The following DNAJB5 variants were observed in gnomAD, a reference collection of about 807,000 sequenced individuals.
DNAJB5 encodes the protein DnaJ heat shock protein family (Hsp40) member B5.
A neutral mutation model predicts 32.6 loss-of-function variants in DNAJB5; 12 were observed. The ratio of observed to expected loss-of-function variants is 0.37; its 90% CI spans 0.24 to 0.60. DNAJB5 has a LOEUF of 0.60. Ranked by LOEUF, DNAJB5 falls within the 20% of genes least tolerant of loss-of-function variation. The pLI is 0.71. For missense variants in DNAJB5, 358 were observed against 554.2 expected (o/e 0.65, Z 3.55); for synonymous variants, 188 against 212.9 (o/e 0.88, Z 1.02).
chr9:34,995,696 G>T (rs28374769), intron 3 of DNAJB5, among the ~76,000 whole-genome samples: 2 of 152,140 alleles, frequency 1.3e-5, no homozygotes, highest in South Asian at 2.1e-4. Flanking sequence ...ACTTTTTAAG[G>T]CTTCCTGATT....
chr9:34,994,752 T>C (rs1301317468), intron 3 of DNAJB5, among the ~76,000 whole-genome samples: 7 of 152,074 alleles, frequency 4.6e-5, no homozygotes, highest in Non-Finnish European at 1.0e-4. Context: ...CAGAACCCCA[T>C]CCCAGGAAGG....
chr9:34,993,278 C>T lies in DNAJB5; in HGVS notation c.261C>T (p.Ala87=), dbSNP rs1304564674. ...AGATTCTTGGGATCCCATCGGGGGC[C>T]AACGAGGATGAGATCAAGAAAGCCT... ...YYKILGIPSG[A]NEDEIKKAYR... Residue 87 remains alanine, a synonymous_variant, in exon 3 of 5, where the codon GCC becomes GCT. Coordinates refer to ENST00000682809, the MANE Select transcript of DNAJB5 (RefSeq NM_001349723.3). The surrounding 1 kb of genome is among the most constrained non-coding windows in gnomAD (Gnocchi z 4.7). 1.2e-6 allele frequency: 2 copies of T among 1,614,058 alleles called. No homozygotes were observed. Among genetic ancestry groups the T allele is most frequent in the South Asian group, 2.2e-5 (2 of 91,070 alleles).
In DNAJB5 at chr9:34,990,661, C is replaced by T; in HGVS notation, c.31C>T (p.Pro11Ser). 1.3e-6 allele frequency: 2 copies of T among 1,551,644 alleles called. No homozygotes were observed. The highest frequency in any genetic ancestry group is 1.7e-6 in the Non-Finnish European group (2 of 1,146,970). Reference sequence around the variant, plus strand: ...TAAGCGCACAGTGCTCTCCTGCCCACCCCCAGCAGCACCCCCACTGCAGGC... The same window carrying T: ...TAAGCGCACAGTGCTCTCCTGCCCATCCCCAGCAGCACCCCCACTGCAGGC... MFKRTVLSCPPPAAPPLQARG... is the reference protein window; with the variant it reads MFKRTVLSCPSPAAPPLQARG... The change falls in exon 2 of 5, where the codon CCC (proline) becomes TCC (serine). Residue 11 changes from proline to serine, a missense_variant. Around this residue, in one of 2 missense-constraint regions of DNAJB5, gnomAD observed 110 missense variants for 111.7 expected, o/e 0.99. Transcript: ENST00000682809. The surrounding 1 kb of genome is among the most constrained non-coding windows in gnomAD (Gnocchi z 4.5).
At position 34,991,671 on chromosome 9, in the gene DNAJB5, C is replaced by CG. The variant is rs986056408; in HGVS notation, c.182+859_182+860insG. 13 of 227,556 alleles carry CG rather than the reference C, an allele frequency of 5.7e-5. 1 individual carries two copies. The East Asian group carries it at 6.6e-4, about 11-fold the overall frequency. 14.1% of individuals were successfully genotyped at this position (227,556 alleles called of 1,614,324 possible). On this transcript the variant is annotated intron_variant, in intron 2 of 4. Coordinates refer to ENST00000682809, the MANE Select transcript of DNAJB5 (RefSeq NM_001349723.3). ...GCTGCCATTTCCGAAAACGGTTGCC[C>CG]CCCCCCCCAACGAGGTGCTCTTTCT...
At chr9:34,991,679 C>CA in intron 2 of DNAJB5, 1 of 264,242 alleles carries the variant, frequency 3.8e-6, no homozygotes, top group Non-Finnish European at 7.7e-6. Flanking sequence ...CCCCCCCCCC[C>CA]AACGAGGTGC....
Position 34,996,833 on chromosome 9 carries a change from C to T in DNAJB5, c.996C>T (p.Asn332=), listed in dbSNP as rs374739522. ...CACACTTCCGCCGAGATGGCACCAA[C>T]GTGCTCTACAGTGCCCTGATCAGCC... is the stretch of plus-strand genomic sequence containing the variant. ...PHAHFRRDGT[N]VLYSALISLK... is the part of the protein sequence containing the mutation. Residue 332 remains asparagine, a synonymous_variant, in exon 4 of 5, where the codon AAC becomes AAT. Coordinates refer to ENST00000682809, the MANE Select transcript of DNAJB5 (RefSeq NM_001349723.3). This position sits in a 1 kb window ranked among gnomAD's most constrained non-coding sequence, Gnocchi z 7.2. 11 of 1,612,976 alleles carry T rather than the reference C, an allele frequency of 6.8e-6. No homozygotes were observed. Among genetic ancestry groups the T allele is most frequent in the African/African-American group, 5.3e-5 (4 of 75,058 alleles).
chr9:34,997,808 G>A lies in DNAJB5; in HGVS notation c.*549G>A. On this transcript the variant is annotated 3_prime_UTR_variant, in exon 5 of 5. Transcript: ENST00000682809. The surrounding 1 kb of genome is among the most constrained non-coding windows in gnomAD (Gnocchi z 4.1). ...GGGAGAAAGGAGAGAGGATAAGAAG[G>A]GAAAGTTCACAACCTGTGAACAGGG... 4.6e-6 allele frequency: 1 copy of A among 217,330 alleles called. No individual in the cohort carries two copies. The highest frequency in any genetic ancestry group is 9.4e-6 in the Non-Finnish European group (1 of 106,434). The allele number at this position is 217,330 out of a possible 1,614,324, so 13.5% of individuals were successfully genotyped here.
At position 34,990,587 on chromosome 9, in the gene DNAJB5, G is replaced by T; in HGVS notation, c.-44G>T. 6.4e-7 allele frequency: 1 copy of T among 1,551,258 alleles called. No individual in the cohort carries two copies. On this transcript the variant is annotated 5_prime_UTR_variant, in exon 2 of 5. Transcript: ENST00000682809. The surrounding 1 kb of genome is among the most constrained non-coding windows in gnomAD (Gnocchi z 4.5). ...GGCTTCCAGAGCTGCAGCACTTCAG[G>T]CCGGCTCCGGTGGAGCGATCAGAGG...
Position 34,996,952 on chromosome 9 carries a change from C to T in DNAJB5, c.1030-74C>T, listed in dbSNP as rs1013396713. On this transcript the variant is annotated intron_variant, in intron 4 of 4. Coordinates refer to ENST00000682809, the MANE Select transcript of DNAJB5 (RefSeq NM_001349723.3). This position sits in a 1 kb window ranked among gnomAD's most constrained non-coding sequence, Gnocchi z 7.2. ...CCCGCCAGCTGGCACATTCTTTCCC[C>T]ACCTCAGTCTATTTCCTTCCTTCCC... The T allele has an allele frequency of 1.3e-5, 20 of 1,591,962 alleles. No homozygotes were observed. The highest frequency in any genetic ancestry group is 1.7e-5 in the Non-Finnish European group (20 of 1,171,084).
At chr9:34,991,257 C>T (rs1587495091) in intron 2 of DNAJB5, 3 of 456,198 alleles carry the variant, frequency 6.6e-6, no homozygotes, top group Admixed American at 4.7e-5. Flanking sequence ...AAAGGCAGTG[C>T]CATGCCATGG....
chr9:34,995,606 C>T (rs535371457), intron 3 of DNAJB5, among the ~76,000 whole-genome samples: 2 of 152,266 alleles, frequency 1.3e-5, no homozygotes, highest in South Asian at 2.1e-4. Context: ...TGTGTAACAC[C>T]GAGCAGAGTG....
intron 2 of DNAJB5, chr9:34,991,380 G>C: frequency 2.2e-6 from 1 of 456,248 alleles, no homozygotes; most frequent in Non-Finnish European, 4.4e-6. Context: ...CTGTGTCTGC[G>C]GAGGCAAGAG....
rs1241157715 is a variant in DNAJB5, at chr9:34,990,597, GT to G, written c.-33del. The G allele has an allele frequency of 5.8e-6, 9 of 1,551,384 alleles. No individual in the cohort carries two copies. Among genetic ancestry groups the G allele is most frequent in the Non-Finnish European group, 7.0e-6 (8 of 1,146,978 alleles). The stretch of plus-strand genomic sequence containing the variant: ...GCTGCAGCACTTCAGGCCGGCTCCG[GT>G]GGAGCGATCAGAGGTGAGGGGCTTG... On this transcript the variant is annotated 5_prime_UTR_variant, in exon 2 of 5. Transcript: ENST00000682809. This position sits in a 1 kb window ranked among gnomAD's most constrained non-coding sequence, Gnocchi z 4.5.
At position 34,990,449 on chromosome 9, in the gene DNAJB5, A is replaced by T; in HGVS notation, c.-132-50A>T. Reference sequence around the variant, plus strand: ...CCAGCCAGACACTGCTGCACCTGAGAGCAGGTGGCCGCGGGTCTTCTCCCT... The same window carrying T: ...CCAGCCAGACACTGCTGCACCTGAGTGCAGGTGGCCGCGGGTCTTCTCCCT... On this transcript the variant is annotated intron_variant, in intron 1 of 4. Transcript: ENST00000682809. The surrounding 1 kb of genome is among the most constrained non-coding windows in gnomAD (Gnocchi z 4.5). 6.5e-7 allele frequency: 1 copy of T among 1,534,360 alleles called. No individual in the cohort carries two copies. Among genetic ancestry groups the T allele is most frequent in the East Asian group, 2.4e-5 (1 of 40,850 alleles).
At position 34,997,361 on chromosome 9, in the gene DNAJB5, T is replaced by G. The variant is rs1217751380; in HGVS notation, c.*102T>G. ...ATGTCCACTGGACACTGGCAACTTT[T>G]TCTAAAATGCAAAAAAAAGCCACTG... On this transcript the variant is annotated 3_prime_UTR_variant, in exon 5 of 5. Transcript: ENST00000682809. This position sits in a 1 kb window ranked among gnomAD's most constrained non-coding sequence, Gnocchi z 4.1. 7.7e-7 allele frequency: 1 copy of G among 1,298,858 alleles called. No homozygotes were observed. Among genetic ancestry groups the G allele is most frequent in the Non-Finnish European group, 1.1e-6 (1 of 900,520 alleles). The allele number at this position is 1,298,858 out of a possible 1,614,324, so 80.5% of individuals were successfully genotyped here.
rs117178835 is a variant in DNAJB5 at position 34,997,628 on chromosome 9, C to T, written c.*369C>T. On this transcript the variant is annotated 3_prime_UTR_variant, in exon 5 of 5. Transcript: ENST00000682809. The surrounding 1 kb of genome is among the most constrained non-coding windows in gnomAD (Gnocchi z 4.1). ...TCCCCTCAGCTTTGCTAATACCAGT[C>T]CCCTCCCTTCCCTTTGGCTTCCTGC... The T allele has an allele frequency of 5.1e-5, 19 of 370,390 alleles. No homozygotes were observed. The highest frequency in any genetic ancestry group is 9.4e-5 in the Non-Finnish European group (18 of 191,232). The allele number at this position is 370,390 out of a possible 1,614,324, so 22.9% of individuals were successfully genotyped here. A position where few individuals can be genotyped will look rare whatever the true frequency, so the allele number is the denominator to read the frequency against.
chr9:34,997,439 G>A lies in DNAJB5; in HGVS notation c.*180G>A, dbSNP rs143318274. 68 of 751,508 alleles carry A rather than the reference G, an allele frequency of 9.0e-5. No homozygotes were observed. In the East Asian group the frequency reaches 1.7e-3, roughly 19 times the overall value. 46.6% of individuals were successfully genotyped at this position (751,508 alleles called of 1,614,324 possible). ...ACCCCTTTTAGAGCTGGGCTGCCTG[G>A]GGGGAGTGGGAGGGAGGTGGGGAGA... is the stretch of plus-strand genomic sequence containing the variant. On this transcript the variant is annotated 3_prime_UTR_variant, in exon 5 of 5. Coordinates refer to ENST00000682809, the MANE Select transcript of DNAJB5 (RefSeq NM_001349723.3). The surrounding 1 kb of genome is among the most constrained non-coding windows in gnomAD (Gnocchi z 4.1).
rs1388839602 is a variant in DNAJB5 at position 34,996,640 on chromosome 9, G to A, written c.803G>A (p.Arg268His). 9 of 1,614,058 alleles carry A rather than the reference G, an allele frequency of 5.6e-6. No individual in the cohort carries two copies. Among genetic ancestry groups the A allele is most frequent in the Admixed American group, 1.7e-5 (1 of 60,022 alleles). ...AAGCGCATGAAGATCACAAGGCGTC[G>A]CCTCAACCCTGATGGGCGAACTGTG... The part of the protein sequence containing the change: ...STKRMKITRR[R>H]LNPDGRTVRT... The change falls in exon 4 of 5, where the codon CGC (arginine) becomes CAC (histidine). Residue 268 changes from arginine (R) to histidine (H), a missense_variant. Physicochemically the swap from Arg to His is conservative, Grantham distance 29 (BLOSUM62 0). Coordinates refer to ENST00000682809, the MANE Select transcript of DNAJB5 (RefSeq NM_001349723.3). The surrounding 1 kb of genome is among the most constrained non-coding windows in gnomAD (Gnocchi z 7.2).
At position 34,997,716 on chromosome 9, in the gene DNAJB5, T is replaced by C. The variant is rs1370075139; in HGVS notation, c.*457T>C. 1 of 323,738 alleles carries C rather than the reference T, an allele frequency of 3.1e-6. No homozygotes were observed. Among genetic ancestry groups the C allele is most frequent in the Non-Finnish European group, 6.1e-6 (1 of 165,048 alleles). 20.1% of individuals were successfully genotyped at this position (323,738 alleles called of 1,614,324 possible). A position where few individuals can be genotyped will look rare whatever the true frequency, so the allele number is the denominator to read the frequency against. ...CTCAGCCCCACCCCCAGGTCCACAGTGTCCAAGGTAATGGCACACATATTC... is the reference window on the plus strand; with the variant it reads ...CTCAGCCCCACCCCCAGGTCCACAGCGTCCAAGGTAATGGCACACATATTC... On this transcript the variant is annotated 3_prime_UTR_variant, in exon 5 of 5. Coordinates refer to ENST00000682809, the MANE Select transcript of DNAJB5 (RefSeq NM_001349723.3). This position sits in a 1 kb window ranked among gnomAD's most constrained non-coding sequence, Gnocchi z 4.1.
Sources: gnomAD v4.1 joint callset for allele counts (sites outside exome capture counted in the v4.1 genomes callset) on GRCh38, gnomAD v4.1.1 for gene constraint, gnomAD v4.1.1 regional missense constraint, Gnocchi (gnomAD v3.1) non-coding constraint, MANE v1.5 for transcripts, NCBI Gene and HGNC (gene_info 2026-07-23, HGNC 2026-07-21) for gene names.